SIDT1: variants seen among roughly 807,000 people sequenced by gnomAD.
The protein encoded by SIDT1 is SID1 transmembrane family, member 1.
In SIDT1, 101 loss-of-function variants were observed where a neutral mutation model predicts 107.5. The ratio of observed to expected loss-of-function variants is 0.94; its 90% CI spans 0.80 to 1.11. The LOEUF is 1.11. Among genes scored for constraint, SIDT1 ranks in the 50% least tolerant of loss-of-function variants. SIDT1 has a pLI of 0.00. For synonymous variants in SIDT1, 395 were observed against 398.2 expected, an observed-to-expected ratio of 0.99 and a Z score of 0.10; for missense variants, 1,076 against 1,058.2, an observed-to-expected ratio of 1.02 and a Z score of -0.23.
intron 1 of SIDT1, among the ~76,000 whole-genome samples, chr3:113,544,197 TTGTTTGTTTG>T (rs1389237557): frequency 6.9e-5 from 8 of 115,948 alleles, no homozygotes; most frequent in African/African-American, 3.5e-4. Flanking sequence ...GTTTGTTTGT[TTGTTTGTTTG>T]TTTAAATGGA....
chr3:113,536,387 C>T (rs1387820567), intron 1 of SIDT1, among the ~76,000 whole-genome samples: 2 of 152,190 alleles, frequency 1.3e-5, no homozygotes, highest in Non-Finnish European at 2.9e-5. Flanking sequence ...TCTTTCTAGC[C>T]TGCAGGGTCA....
At chr3:113,624,763 G>C (rs1946727376) in intron 23 of SIDT1, among the ~76,000 whole-genome samples, 1 of 151,414 alleles carries the variant, frequency 6.6e-6, no homozygotes, top group South Asian at 2.1e-4. Flanking sequence ...TTTTCTAGCT[G>C]CCTCATATGA....
At chr3:113,574,503 T>C (rs1197930473) in intron 3 of SIDT1, among the ~76,000 whole-genome samples, 1 of 152,162 alleles carries the variant, frequency 6.6e-6, no homozygotes, top group Non-Finnish European at 1.5e-5. Context: ...AATCTCACAG[T>C]CCTCTCTGGT....
At chr3:113,582,969 C>T (rs960608583) in intron 6 of SIDT1, among the ~76,000 whole-genome samples, 1 of 151,950 alleles carries the variant, frequency 6.6e-6, no homozygotes, top group Non-Finnish European at 1.5e-5. Flanking sequence ...TAACTCAAAG[C>T]CAAGATGATA....
intron 20 of SIDT1, among the ~76,000 whole-genome samples, chr3:113,618,830 GTTTA>G (rs1946274503): frequency 6.6e-6 from 1 of 152,110 alleles, no homozygotes; most frequent in African/African-American, 2.4e-5. Flanking sequence ...TTGTTTGTTT[GTTTA>G]TTTATTTTGG....
chr3:113,604,183 A>G (rs960956038), intron 13 of SIDT1, 150 bp downstream of exon 13: 2 of 570,252 alleles, frequency 3.5e-6, no homozygotes, highest in Non-Finnish European at 6.1e-6. Flanking sequence ...TAGACCTGCA[A>G]TGGCCACACA....
At chr3:113,592,981 G>GC in intron 9 of SIDT1, 24 bp from the exon 10 acceptor site, 1 of 1,589,568 alleles carries the variant, frequency 6.3e-7, no homozygotes, top group Non-Finnish European at 8.6e-7. Flanking sequence ...TGTCTTAGGA[G>GC]CATGTGTATG....
At chr3:113,589,066 G>A (rs1943952079) in intron 9 of SIDT1, among the ~76,000 whole-genome samples, 1 of 152,238 alleles carries the variant, frequency 6.6e-6, no homozygotes, top group Non-Finnish European at 1.5e-5. Flanking sequence ...CAGCAGAAGA[G>A]TGCAAGGCCT....
At chr3:113,580,544 A>G (rs1943246572) in intron 4 of SIDT1, 64 bp from the exon 5 acceptor site, 1 of 1,007,958 alleles carries the variant, frequency 9.9e-7, no homozygotes, top group Non-Finnish European at 1.6e-6. Context: ...TTTGTGCCTA[A>G]TAGTAGAGGA....
intron 11 of SIDT1, 143 bp downstream of exon 11, chr3:113,601,802 C>CT: frequency 1.8e-6 from 1 of 559,044 alleles, no homozygotes; most frequent in Non-Finnish European, 3.1e-6. Context: ...AGATGAGTTG[C>CT]TTGGAGATTT....
intron 23 of SIDT1, among the ~76,000 whole-genome samples, chr3:113,625,674 C>T (rs1452225779): frequency 1.3e-5 from 2 of 152,144 alleles, no homozygotes. Context: ...TTTCATATGC[C>T]TGTTTGCCAT....
chr3:113,568,032 T>C, intron 3 of SIDT1: 2 of 223,380 alleles, frequency 9.0e-6, no homozygotes, highest in Non-Finnish European at 8.6e-6. Context: ...AGTGCCACAC[T>C]CTTGAAGGAA....
Position 113,585,273 on chromosome 3 carries a change from A to T in SIDT1, c.1001+3A>T. 6.3e-7 allele frequency: 1 copy of T among 1,599,832 alleles called. No individual in the cohort carries two copies. Among genetic ancestry groups the T allele is most frequent in the Non-Finnish European group, 8.6e-7 (1 of 1,167,136 alleles). ...GTTGGGTTTGTTCATTATCTGAGGT[A>T]GGTCAATCTTTTCTAGAAATGTTAA... On this transcript the variant is annotated splice_donor_region_variant and intron_variant, in intron 9 of 24. Coordinates refer to ENST00000264852, the MANE Select transcript of SIDT1 (RefSeq NM_017699.3).
intron 7 of SIDT1, among the ~76,000 whole-genome samples, chr3:113,583,751 A>G (rs1190333617): frequency 1.3e-5 from 2 of 152,234 alleles, no homozygotes; most frequent in Non-Finnish European, 2.9e-5. Context: ...CAGACCATGG[A>G]AGATAAGTTC....
intron 1 of SIDT1, among the ~76,000 whole-genome samples, chr3:113,564,226 C>T (rs1436129237): frequency 6.6e-6 from 1 of 152,192 alleles, no homozygotes; most frequent in Non-Finnish European, 1.5e-5. Context: ...AGGCGTGAGC[C>T]GCCGTGCCTG....
chr3:113,581,604 G>A, intron 6 of SIDT1, 160 bp downstream of exon 6: 3 of 623,504 alleles, frequency 4.8e-6, no homozygotes, highest in Non-Finnish European at 5.7e-6. Context: ...CAGGCGCAGT[G>A]GCTCACACCT....
chr3:113,566,705 G>T (rs535015248), intron 2 of SIDT1, among the ~76,000 whole-genome samples, 164 bp downstream of exon 2: 1 of 152,274 alleles, frequency 6.6e-6, no homozygotes, highest in Admixed American at 6.5e-5. Flanking sequence ...GCCCTGACCT[G>T]TTCGCTCTGT....
At chr3:113,620,574 G>A (rs1270360568) in intron 21 of SIDT1, among the ~76,000 whole-genome samples, 1 of 152,040 alleles carries the variant, frequency 6.6e-6, no homozygotes, top group Non-Finnish European at 1.5e-5. Flanking sequence ...GAGGAGGCCA[G>A]AATCAAGTCA....
At position 113,567,568 on chromosome 3, in the gene SIDT1, G is replaced by T. The variant is rs780600458; in HGVS notation, c.373G>T (p.Val125Leu). Residue 125 changes from valine (V) to leucine (L), a missense_variant, in exon 3 of 25, where the codon GTG (valine) becomes TTG (leucine). Transcript: ENST00000264852. ...LYQRSYNYQE[V>L]SRTLCPSEAT... The stretch of plus-strand genomic sequence containing the variant: ...CCAGAGGAGCTACAACTATCAAGAA[G>T]TGAGCCGCACCTTATGTCCCTCAGA... 5.6e-6 allele frequency: 9 copies of T among 1,613,568 alleles called. No individual in the cohort carries two copies. Among genetic ancestry groups the T allele is most frequent in the Non-Finnish European group, 7.6e-6 (9 of 1,179,770 alleles).
Sources: allele counts gnomAD v4.1 joint callset (sites outside exome capture counted in the v4.1 genomes callset), GRCh38; gene constraint gnomAD v4.1.1; transcripts MANE v1.5; gene names NCBI Gene and HGNC (gene_info 2026-07-23, HGNC 2026-07-21).